The following MEGF10 variants were observed in gnomAD, a reference collection of about 807,000 sequenced individuals.
MEGF10 encodes the protein multiple EGF like domains 10, also known as multiple epidermal growth factor-like domains protein 10.
MEGF10 carries 86 observed loss-of-function variants against 147.5 expected under a neutral mutation model. That is an observed-to-expected ratio of 0.58 (90% confidence interval 0.49 to 0.70). MEGF10 has a LOEUF of 0.70. Among genes scored for constraint, MEGF10 ranks in the 30% least tolerant of loss-of-function variants. The pLI, the probability that MEGF10 is intolerant of heterozygous loss-of-function variation, is 0.00. For missense variants in MEGF10, 1,329 were observed against 1,487.3 expected (o/e 0.89, Z 1.75); for synonymous variants, 478 against 525.5 (o/e 0.91, Z 1.24).
At chr5:127,269,693 G>A in the MEGF10 span, among the ~76,000 whole-genome samples, 7,645 of 152,128 alleles carry the variant, frequency 0.05, 323 homozygotes, top group African/African-American at 0.11. Flanking sequence ...GAAATTCCCC[G>A]ATCTAGCAAG....
In MEGF10 at chr5:127,458,860, T is replaced by C. The variant is rs1421020820; in HGVS notation, c.*1542T>C. The C allele has an allele frequency of 6.6e-6, 1 of 152,108 alleles. No homozygotes were observed. The allele number at this position is 152,108 out of a possible 1,614,324, so 9.4% of individuals were successfully genotyped here. ...ATTGACCATCCAAACTGGGACACTC[T>C]TGAGAGTAAATGGAGGGCATTATTA... On this transcript the variant is annotated 3_prime_UTR_variant, in exon 25 of 25. Coordinates refer to ENST00000503335, the MANE Select transcript of MEGF10 (RefSeq NM_001256545.2).
At chr5:127,454,542 G>GT (rs755042358) in intron 22 of MEGF10, 24 bp from the exon 23 acceptor site, 123 of 1,596,156 alleles carry the variant, frequency 7.7e-5, no homozygotes, top group South Asian at 9.2e-5. Flanking sequence ...CTCACTGGGT[G>GT]TTTTTTTTCT....
intron 4 of MEGF10, among the ~76,000 whole-genome samples, chr5:127,369,633 A>T (rs773107783): frequency 6.6e-6 from 1 of 152,192 alleles, no homozygotes; most frequent in Non-Finnish European, 1.5e-5. Context: ...TTAAAGAGTG[A>T]ATTAGGCAAT....
At chr5:127,431,091 C>T (rs1209293151) in intron 13 of MEGF10, among the ~76,000 whole-genome samples, 3 of 152,200 alleles carry the variant, frequency 2.0e-5, no homozygotes, top group African/African-American at 4.8e-5. Context: ...ACAAGCTTAT[C>T]TCTGCAGTGG....
chr5:127,402,809 C>A, intron 8 of MEGF10, 127 bp downstream of exon 8: 1 of 913,458 alleles, frequency 1.1e-6, no homozygotes, highest in Admixed American at 2.9e-5. Context: ...AGTAGCTATA[C>A]AGCCTCAATG....
chr5:127,302,689 T>G (rs1460365332), intron 1 of MEGF10, among the ~76,000 whole-genome samples: 1 of 152,230 alleles, frequency 6.6e-6, no homozygotes, highest in African/African-American at 2.4e-5. Context: ...AGTTGACCCC[T>G]GGTCACGTGT....
At chr5:127,304,121 G>T (rs188491219) in intron 1 of MEGF10, among the ~76,000 whole-genome samples, 24 of 152,274 alleles carry the variant, frequency 1.6e-4, no homozygotes, top group African/African-American at 5.5e-4. Context: ...TATGATTTTG[G>T]ACATTGAACT....
chr5:127,335,646 G>A (rs940779652), intron 2 of MEGF10, among the ~76,000 whole-genome samples: 4 of 152,126 alleles, frequency 2.6e-5, no homozygotes, highest in African/African-American at 9.7e-5. Context: ...TGAAGACTAT[G>A]TACTAACATG....
intron 13 of MEGF10, among the ~76,000 whole-genome samples, chr5:127,425,546 A>T (rs1765182819): frequency 6.6e-6 from 1 of 152,196 alleles, no homozygotes; most frequent in Non-Finnish European, 1.5e-5. Context: ...CTTGGTATAC[A>T]AAAACACATG....
the MEGF10 span, among the ~76,000 whole-genome samples, chr5:127,242,424 A>G: frequency 6.6e-6 from 1 of 152,232 alleles, no homozygotes; most frequent in Non-Finnish European, 1.5e-5. Context: ...GGATTTATAC[A>G]TTCAAATCAG....
chr5:127,434,704 T>G lies in MEGF10; in HGVS notation c.1858T>G (p.Tyr620Asp). The G allele has an allele frequency of 6.2e-7, 1 of 1,612,764 alleles. No homozygotes were observed. Among genetic ancestry groups the G allele is most frequent in the Non-Finnish European group, 8.5e-7 (1 of 1,179,354 alleles). The change falls in exon 15 of 25, where the codon TAT becomes GAT. Residue 620 changes from tyrosine (Y) to aspartate (D), a missense_variant. By Grantham distance (160) the Tyr-to-Asp change is radical (BLOSUM62 -3). Around this residue, in one of 3 missense-constraint regions of MEGF10, gnomAD observed 980 missense variants for 1,085.9 expected, o/e 0.90. Coordinates refer to ENST00000503335, the MANE Select transcript of MEGF10 (RefSeq NM_001256545.2). Reference protein sequence around the residue: ...TCQRICSPGFYGHRCSQTCPQ... With the variant: ...TCQRICSPGFDGHRCSQTCPQ... Reference sequence around the variant, plus strand: ...GTTTTCAGTCTGCTCCCCTGGTTTTTATGGGCATCGCTGCAGCCAGACATG... The same window carrying G: ...GTTTTCAGTCTGCTCCCCTGGTTTTGATGGGCATCGCTGCAGCCAGACATG...
At position 127,447,650 on chromosome 5, in the gene MEGF10, A is replaced by G. The variant is rs761698194; in HGVS notation, c.2822A>G (p.His941Arg). The G allele has an allele frequency of 1.1e-5, 17 of 1,613,920 alleles. No homozygotes were observed. The highest frequency in any genetic ancestry group is 6.7e-5 in the Admixed American group (4 of 59,988). Residue 941 changes from histidine (H) to arginine (R), a missense_variant, in exon 21 of 25, where the codon CAC becomes CGC. Physicochemically the swap from His to Arg is conservative, Grantham distance 29 (BLOSUM62 0). Transcript: ENST00000503335. ...CTCACCCAGTGTGCCACATCCCCTC[A>G]CGTCAACAACAGGGACAGGATGACT... ...HTLTQCATSP[H>R]VNNRDRMTVT...
Position 127,302,274 on chromosome 5 carries a change from A to T in MEGF10, c.-19+11218A>T, listed in dbSNP as rs76396046. Among the ~76,000 whole-genome samples the T allele has an allele frequency of 8.8e-3, 1,336 of 152,312 alleles. 8 individuals carry two copies. Among genetic ancestry groups the T allele is most frequent in the African/African-American group, 0.021 (885 of 41,562 alleles). The stretch of plus-strand genomic sequence containing the variant: ...AAAATGTGATATATTTACAGAATGG[A>T]ATATTATTTAGTCATGGAAAGAAAT... On this transcript the variant is annotated intron_variant, in intron 1 of 24. Transcript: ENST00000503335.
intron 5 of MEGF10, among the ~76,000 whole-genome samples, chr5:127,391,349 G>A (rs1029154006): frequency 3.3e-5 from 5 of 151,948 alleles, no homozygotes; most frequent in Non-Finnish European, 5.9e-5. Context: ...GCCAAGGTGC[G>A]CAGATAGCTT....
At chr5:127,412,377 C>T (rs1407047062) in intron 9 of MEGF10, among the ~76,000 whole-genome samples, 2 of 152,148 alleles carry the variant, frequency 1.3e-5, no homozygotes, top group African/African-American at 4.8e-5. Context: ...ATATCTTAAA[C>T]TTCTATGTGT....
chr5:127,409,260 A>T (rs1186544507), intron 8 of MEGF10, among the ~76,000 whole-genome samples: 1 of 152,204 alleles, frequency 6.6e-6, no homozygotes, highest in Non-Finnish European at 1.5e-5. Context: ...CTTACTGCTC[A>T]CATGATACAG....
chr5:127,247,433 A>G, the MEGF10 span, among the ~76,000 whole-genome samples: 12 of 108,714 alleles, frequency 1.1e-4, no homozygotes, highest in African/African-American at 3.5e-4. Context: ...AAGAAGAAGA[A>G]GAAGAAGAAG....
At chr5:127,378,020 G>A (rs183033132) in intron 5 of MEGF10, among the ~76,000 whole-genome samples, 5 of 152,164 alleles carry the variant, frequency 3.3e-5, no homozygotes, top group Admixed American at 2.0e-4. Flanking sequence ...GTTTGATAAA[G>A]GTCACAGACA....
chr5:127,456,390 T>C (rs1766363621), intron 24 of MEGF10, among the ~76,000 whole-genome samples: 1 of 152,184 alleles, frequency 6.6e-6, no homozygotes, highest in Non-Finnish European at 1.5e-5. Flanking sequence ...CCACCACTAC[T>C]CTTGGCTAAA....
Sources: gnomAD v4.1 joint callset for allele counts (sites outside exome capture counted in the v4.1 genomes callset) on GRCh38, gnomAD v4.1.1 for gene constraint, gnomAD v4.1.1 regional missense constraint, MANE v1.5 for transcripts, NCBI Gene and HGNC (gene_info 2026-07-23, HGNC 2026-07-21) for gene names.